Variants in ARNT2 observed in about 807,000 individuals in gnomAD.
ARNT2 encodes aryl hydrocarbon receptor nuclear translocator 2, also known as ARNT protein 2.
ARNT2 carries 36 observed loss-of-function variants against 91.7 expected under a neutral mutation model. The ratio of observed to expected loss-of-function variants is 0.39; its 90% CI spans 0.30 to 0.52. ARNT2 has a LOEUF of 0.52. Ranked by LOEUF, ARNT2 falls within the 20% of genes least tolerant of loss-of-function variation. ARNT2 has a pLI of 0.72. For synonymous variants in ARNT2, 365 were observed against 347.1 expected (o/e 1.05, Z -0.57); for missense variants, 775 against 939.3 (o/e 0.83, Z 2.29).
chr15:80,441,795 A>G lies in ARNT2; in HGVS notation c.32-9085A>G, dbSNP rs537001283. Among the ~76,000 whole-genome samples the G allele has an allele frequency of 1.6e-4, 24 of 152,356 alleles. No homozygotes were observed. In the South Asian group the frequency reaches 4.1e-3, roughly 26 times the overall value. ...CTGAAATGTGAAATAGTCTGTAGCT[A>G]GATGCTGCATTATAAGCCAGATATG... On this transcript the variant is annotated intron_variant, in intron 1 of 18. Transcript: ENST00000303329.
intron 1 of ARNT2, chr15:80,444,650 GGT>G (rs1167936254): frequency 5.9e-5 from 9 of 151,510 alleles, no homozygotes; most frequent in Admixed American, 2.7e-4. Context: ...GTGTGTGCGT[GGT>G]GTGTGTGTGA....
At chr15:80,523,284 T>G (rs1339645151) in intron 8 of ARNT2, among the ~76,000 whole-genome samples, 1 of 152,050 alleles carries the variant, frequency 6.6e-6, no homozygotes, top group Admixed American at 6.5e-5. Context: ...GCTCCAGGGG[T>G]GGCAGTTGTT....
chr15:80,465,110 G>T (rs1469762644), intron 3 of ARNT2, among the ~76,000 whole-genome samples: 1 of 152,204 alleles, frequency 6.6e-6, no homozygotes, highest in Non-Finnish European at 1.5e-5. Flanking sequence ...CCCTTTACTG[G>T]AATTGCAGGC....
intron 1 of ARNT2, among the ~76,000 whole-genome samples, chr15:80,415,791 G>C (rs895651793): frequency 2.0e-5 from 3 of 152,184 alleles, no homozygotes; most frequent in Non-Finnish European, 2.9e-5. Flanking sequence ...CCACTGGGTG[G>C]ATAGGCTATC....
At chr15:80,431,476 C>T (rs139496570) in intron 1 of ARNT2, among the ~76,000 whole-genome samples, 1 of 152,302 alleles carries the variant, frequency 6.6e-6, no homozygotes, top group African/African-American at 2.4e-5. Context: ...CCTTCAGGGT[C>T]CTGAAGAGGG....
At chr15:80,582,116 G>A (rs187414536) in intron 17 of ARNT2, among the ~76,000 whole-genome samples, 7 of 152,298 alleles carry the variant, frequency 4.6e-5, no homozygotes, top group Non-Finnish European at 5.9e-5. Flanking sequence ...TCAGATGAGC[G>A]TGAATCTGAG....
intron 17 of ARNT2, among the ~76,000 whole-genome samples, chr15:80,585,038 G>T (rs553287622): frequency 1.3e-5 from 2 of 152,216 alleles, no homozygotes; most frequent in African/African-American, 4.8e-5. Context: ...GAGAAAAAAC[G>T]CCCCTGCCTG....
At chr15:80,533,495 C>G (rs564445720) in intron 8 of ARNT2, among the ~76,000 whole-genome samples, 8 of 152,074 alleles carry the variant, frequency 5.3e-5, no homozygotes, top group Non-Finnish European at 1.0e-4. Flanking sequence ...GGTGTAGCCC[C>G]AAAACTGGTT....
chr15:80,523,171 G>A (rs773577031), intron 8 of ARNT2, among the ~76,000 whole-genome samples: 5 of 152,166 alleles, frequency 3.3e-5, no homozygotes, highest in Non-Finnish European at 7.3e-5. Context: ...AACCACATTT[G>A]TATTAGAAGT....
chr15:80,417,197 A>G (rs913293346), intron 1 of ARNT2, among the ~76,000 whole-genome samples: 7 of 152,238 alleles, frequency 4.6e-5, no homozygotes, highest in African/African-American at 1.7e-4. Context: ...TAAGTTGCTC[A>G]CATGGAATGC....
intron 15 of ARNT2, 130 bp downstream of exon 15, chr15:80,577,095 A>G: frequency 1.2e-6 from 1 of 849,320 alleles, no homozygotes; most frequent in Non-Finnish European, 1.9e-6. Context: ...CCTTGGACTA[A>G]ACTGAGGATT....
At chr15:80,583,160 C>T (rs1898830585) in intron 17 of ARNT2, among the ~76,000 whole-genome samples, 1 of 152,238 alleles carries the variant, frequency 6.6e-6, no homozygotes. Context: ...GCAGGACAGT[C>T]TGCAGGTGCG....
Position 80,593,633 on chromosome 15 carries a change from G to T in ARNT2, c.2089G>T (p.Gly697Trp). 1 of 1,606,094 alleles carries T rather than the reference G, an allele frequency of 6.2e-7. No individual in the cohort carries two copies. Residue 697 changes from glycine to tryptophan, a missense_variant, in exon 19 of 19, where the codon GGG becomes TGG. Gly to Trp is a radical substitution (Grantham distance 184). Coordinates refer to ENST00000303329, the MANE Select transcript of ARNT2 (RefSeq NM_014862.4). ...GCCCATGCCAGGAGATCCAACCCAG[G>T]GGACTGGCAACTATAACATCGAAGA... ...MLPMPGDPTQGTGNYNIEDFA... is the reference protein window; with the variant it reads ...MLPMPGDPTQWTGNYNIEDFA...
At chr15:80,430,667 G>A (rs1047314659) in intron 1 of ARNT2, among the ~76,000 whole-genome samples, 1 of 152,198 alleles carries the variant, frequency 6.6e-6, no homozygotes, top group Non-Finnish European at 1.5e-5. Flanking sequence ...TTCTTCATGG[G>A]TGTTGGTTGT....
chr15:80,512,004 A>G (rs1448717998), intron 6 of ARNT2, among the ~76,000 whole-genome samples: 1 of 152,206 alleles, frequency 6.6e-6, no homozygotes, highest in Non-Finnish European at 1.5e-5. Context: ...GGAACCACTT[A>G]CTAATGTCAC....
intron 5 of ARNT2, among the ~76,000 whole-genome samples, chr15:80,482,997 C>T (rs558412355): frequency 9.8e-5 from 15 of 152,310 alleles, no homozygotes; most frequent in African/African-American, 2.9e-4. Context: ...CTGAGTTTAG[C>T]TTTACTCCTC....
chr15:80,536,434 C>T (rs766397975), intron 8 of ARNT2, among the ~76,000 whole-genome samples: 1 of 152,154 alleles, frequency 6.6e-6, no homozygotes, highest in Non-Finnish European at 1.5e-5. Context: ...CTGCCCCTTA[C>T]TGTGCACCTG....
intron 1 of ARNT2, among the ~76,000 whole-genome samples, chr15:80,450,388 G>T (rs1896370434): frequency 6.6e-6 from 1 of 152,204 alleles, no homozygotes; most frequent in Admixed American, 6.5e-5. Flanking sequence ...TCTGAGTCCA[G>T]AGTAGGCGTG....
intron 1 of ARNT2, chr15:80,444,712 G>T (rs2141581161): frequency 6.6e-6 from 1 of 150,426 alleles, no homozygotes; most frequent in South Asian, 2.1e-4. Context: ...TGGTGTGTGT[G>T]AATGCTTTGT....
Sources: gnomAD v4.1 joint callset for allele counts (sites outside exome capture counted in the v4.1 genomes callset) on GRCh38, gnomAD v4.1.1 for gene constraint, MANE v1.5 for transcripts, NCBI Gene and HGNC (gene_info 2026-07-23, HGNC 2026-07-21) for gene names.